Variants in TTPAL observed in about 807,000 individuals in gnomAD.
TTPAL encodes alpha-tocopherol transfer protein-like.
Under a neutral mutation model 28.7 loss-of-function variants are expected in TTPAL, and 21 were observed. The ratio of observed to expected loss-of-function variants is 0.73; its 90% CI spans 0.52 to 1.06. The LOEUF (loss-of-function observed/expected upper bound fraction) is 1.06, where lower values mean the gene tolerates loss of function less well. TTPAL is among the 50% of genes least tolerant of loss of function. The pLI, the probability that TTPAL is intolerant of heterozygous loss-of-function variation, is 0.00. For missense variants in TTPAL, 345 were observed against 425.5 expected (o/e 0.81, Z 1.67); for synonymous variants, 169 against 171.9 (o/e 0.98, Z 0.13).
intron 1 of TTPAL, among the ~76,000 whole-genome samples, chr20:44,476,894 G>A (rs2064048957): frequency 6.6e-6 from 1 of 152,194 alleles, no homozygotes; most frequent in Non-Finnish European, 1.5e-5. Flanking sequence ...ACTGACTCTA[G>A]ATAAATGCCC....
intron 2 of TTPAL, among the ~76,000 whole-genome samples, chr20:44,482,019 T>C (rs1352903835): frequency 6.6e-6 from 1 of 152,184 alleles, no homozygotes; most frequent in African/African-American, 2.4e-5. Flanking sequence ...GATGAATTTT[T>C]TCCCCATATG....
rs1026515033 is a variant in TTPAL at position 44,494,529 on chromosome 20, C to CAA, written c.*4990_*4991dup. On this transcript the variant is annotated 3_prime_UTR_variant, in exon 5 of 5. Transcript: ENST00000262605. ...TATTTTTCTAGTGCATTTTCTAAGT[C>CAA]AAAGTGGTGAAAATATGTAATAATT... 3 of 149,200 alleles carry CAA rather than the reference C, an allele frequency of 2.0e-5. No individual in the cohort carries two copies. Among genetic ancestry groups the CAA allele is most frequent in the Non-Finnish European group, 4.4e-5 (3 of 67,612 alleles). 9.2% of individuals were successfully genotyped at this position (149,200 alleles called of 1,614,324 possible). A position where few individuals can be genotyped will look rare whatever the true frequency, so the allele number is the denominator to read the frequency against.
chr20:44,483,206 C>CA (rs1266962461), intron 2 of TTPAL, among the ~76,000 whole-genome samples: 1 of 152,104 alleles, frequency 6.6e-6, no homozygotes, highest in African/African-American at 2.4e-5. Flanking sequence ...TTAGCTGAAA[C>CA]AAACAAAAAA....
chr20:44,480,142 A>C lies in TTPAL; in HGVS notation c.143A>C (p.Gln48Pro). The change falls in exon 2 of 5, where the codon CAG (glutamine) becomes CCG (proline). Residue 48 changes from glutamine (Q) to proline (P), a missense_variant. Transcript: ENST00000262605. This position sits in a 1 kb window ranked among gnomAD's most constrained non-coding sequence, Gnocchi z 4.1. The stretch of plus-strand genomic sequence containing the variant: ...GTCACCAAAGCCCGGGAAGAGCTGC[A>C]GGAAAAGCCGGAATGGAGACTTCGA... ...DLVTKAREEL[Q>P]EKPEWRLRDV... is the part of the protein sequence containing the mutation. The C allele has an allele frequency of 6.2e-7, 1 of 1,614,214 alleles. No homozygotes were observed. Among genetic ancestry groups the C allele is most frequent in the East Asian group, 2.2e-5 (1 of 44,894 alleles).
Position 44,493,744 on chromosome 20 carries a change from C to T in TTPAL, c.*4203C>T, listed in dbSNP as rs1482117460. On this transcript the variant is annotated 3_prime_UTR_variant, in exon 5 of 5. Transcript: ENST00000262605. Reference sequence around the variant, plus strand: ...GTTAATTTTGTAAATCTAAATTCTTCTGCTCTTGGCCAGGTGCAGTAGTTC... The same window carrying T: ...GTTAATTTTGTAAATCTAAATTCTTTTGCTCTTGGCCAGGTGCAGTAGTTC... The T allele has an allele frequency of 6.6e-6, 1 of 152,264 alleles. No individual in the cohort carries two copies. The highest frequency in any genetic ancestry group is 1.5e-5 in the Non-Finnish European group (1 of 68,018). The allele number at this position is 152,264 out of a possible 1,614,324, so 9.4% of individuals were successfully genotyped here.
At chr20:44,487,878 C>T (rs960105483) in intron 4 of TTPAL, among the ~76,000 whole-genome samples, 1 of 152,238 alleles carries the variant, frequency 6.6e-6, no homozygotes, top group Admixed American at 6.5e-5. Flanking sequence ...AAGCAGTTCT[C>T]CTGCCTCAGC....
chr20:44,478,543 T>C (rs1034958544), intron 1 of TTPAL: 6 of 152,244 alleles, frequency 3.9e-5, no homozygotes, highest in African/African-American at 1.4e-4. Context: ...ACTGCCACGA[T>C]AAGTTACATG....
At position 44,486,715 on chromosome 20, in the gene TTPAL, T is replaced by TG; in HGVS notation, c.750+10dup. ...AGAAAATAGCAAACAGAGTAAGTGA[T>TG]GATCCTATTGACTTCAGATTTTTCT... is the stretch of plus-strand genomic sequence containing the variant. On this transcript the variant is annotated intron_variant, in intron 4 of 4. Coordinates refer to ENST00000262605, the MANE Select transcript of TTPAL (RefSeq NM_001039199.3). The TG allele has an allele frequency of 1.4e-6, 2 of 1,469,678 alleles. No individual in the cohort carries two copies. The highest frequency in any genetic ancestry group is 1.9e-6 in the Non-Finnish European group (2 of 1,059,970). The allele number at this position is 1,469,678 out of a possible 1,614,324, so 91.0% of individuals were successfully genotyped here.
At chr20:44,477,353 T>TG (rs1190399483) in intron 1 of TTPAL, among the ~76,000 whole-genome samples, 1 of 152,196 alleles carries the variant, frequency 6.6e-6, no homozygotes, top group African/African-American at 2.4e-5. Context: ...GCAGATTATG[T>TG]GTCTAACACC....
In TTPAL at chr20:44,492,119, G is replaced by A. The variant is rs1438831182; in HGVS notation, c.*2578G>A. On this transcript the variant is annotated 3_prime_UTR_variant, in exon 5 of 5. Transcript: ENST00000262605. ...GTATCAGATAGTTTTGACACCTCAGGAAACTTGAACCAAGCTGTGAAACCA... is the reference window on the plus strand; with the variant it reads ...GTATCAGATAGTTTTGACACCTCAGAAAACTTGAACCAAGCTGTGAAACCA... 1 of 152,290 alleles carries A rather than the reference G, an allele frequency of 6.6e-6. No homozygotes were observed. The highest frequency in any genetic ancestry group is 2.4e-5 in the African/African-American group (1 of 41,422). The allele number at this position is 152,290 out of a possible 1,614,324, so 9.4% of individuals were successfully genotyped here. A position where few individuals can be genotyped will look rare whatever the true frequency, so the allele number is the denominator to read the frequency against.
chr20:44,488,692 A>G (rs2064175123), intron 4 of TTPAL, among the ~76,000 whole-genome samples: 1 of 152,188 alleles, frequency 6.6e-6, no homozygotes. Flanking sequence ...CCATCTAGGT[A>G]TCTGGGAGGC....
At chr20:44,486,377 C>A in intron 3 of TTPAL, 1 of 395,070 alleles carries the variant, frequency 2.5e-6, no homozygotes, top group Non-Finnish European at 4.5e-6. Context: ...CCACTACACC[C>A]AGCCTCTGTT....
In TTPAL at chr20:44,486,439, C is replaced by T; in HGVS notation, c.640-157C>T. 6 of 531,594 alleles carry T rather than the reference C, an allele frequency of 1.1e-5. No homozygotes were observed. In the South Asian group the frequency reaches 1.6e-4, roughly 14 times the overall value. The allele number at this position is 531,594 out of a possible 1,614,324, so 32.9% of individuals were successfully genotyped here. A position where few individuals can be genotyped will look rare whatever the true frequency, so the allele number is the denominator to read the frequency against. On this transcript the variant is annotated intron_variant, in intron 3 of 4. Transcript: ENST00000262605. Reference sequence around the variant, plus strand: ...TCCCAGGAAAGACTTTCCCTGAGGTCCGTCTTCCTAGTTAGGCCCCACGTG... The same window carrying T: ...TCCCAGGAAAGACTTTCCCTGAGGTTCGTCTTCCTAGTTAGGCCCCACGTG...
Position 44,489,654 on chromosome 20 carries a change from G to A in TTPAL, c.*113G>A. 8.3e-7 allele frequency: 1 copy of A among 1,210,302 alleles called. No homozygotes were observed. Among genetic ancestry groups the A allele is most frequent in the Non-Finnish European group, 1.1e-6 (1 of 889,074 alleles). 75.0% of individuals were successfully genotyped at this position (1,210,302 alleles called of 1,614,324 possible). On this transcript the variant is annotated 3_prime_UTR_variant, in exon 5 of 5. Transcript: ENST00000262605. The stretch of plus-strand genomic sequence containing the variant: ...CTTGCTCCTTGTAATTAAACTGCAG[G>A]ATGGAGGAACAGCCTGAGATATGAG...
chr20:44,482,766 G>A (rs2064118193), intron 2 of TTPAL, among the ~76,000 whole-genome samples: 1 of 151,722 alleles, frequency 6.6e-6, no homozygotes, highest in African/African-American at 2.4e-5. Flanking sequence ...TACATGGGGT[G>A]TATTAAAAAA....
Position 44,489,834 on chromosome 20 carries a change from T to C in TTPAL, c.*293T>C. On this transcript the variant is annotated 3_prime_UTR_variant, in exon 5 of 5. Transcript: ENST00000262605. ...TTTGTTTTGCTTTTTGGTTGGGGGG[T>C]GGTGATCTGGTTCTTACACATCTTG... The C allele has an allele frequency of 2.9e-6, 1 of 348,084 alleles. No homozygotes were observed. Among genetic ancestry groups the C allele is most frequent in the Non-Finnish European group, 5.3e-6 (1 of 189,498 alleles). The allele number at this position is 348,084 out of a possible 1,614,324, so 21.6% of individuals were successfully genotyped here. A position where few individuals can be genotyped will look rare whatever the true frequency, so the allele number is the denominator to read the frequency against.
chr20:44,487,915 C>T (rs1239826490), intron 4 of TTPAL, among the ~76,000 whole-genome samples: 4 of 152,184 alleles, frequency 2.6e-5, no homozygotes, highest in African/African-American at 9.7e-5. Flanking sequence ...ATTACAGGCA[C>T]GTGCCACCAC....
intron 1 of TTPAL, 123 bp from the exon 2 acceptor site, chr20:44,479,862 G>T: frequency 1.2e-6 from 1 of 813,386 alleles, no homozygotes; most frequent in Non-Finnish European, 1.9e-6. Flanking sequence ...ATTGCCCCCA[G>T]TTGAGAAACA....
In TTPAL at chr20:44,489,819, T is replaced by A. The variant is rs758939109; in HGVS notation, c.*278T>A. ...GGAGGCTATATCTATTTTGTTTTGC[T>A]TTTTGGTTGGGGGGTGGTGATCTGG... On this transcript the variant is annotated 3_prime_UTR_variant, in exon 5 of 5. Transcript: ENST00000262605. The A allele has an allele frequency of 7.1e-5, 27 of 379,278 alleles. No homozygotes were observed. Among genetic ancestry groups the A allele is most frequent in the Non-Finnish European group, 1.1e-4 (24 of 209,768 alleles). 23.5% of individuals were successfully genotyped at this position (379,278 alleles called of 1,614,324 possible).
Sources: allele counts gnomAD v4.1 joint callset (sites outside exome capture counted in the v4.1 genomes callset), GRCh38; gene constraint gnomAD v4.1.1; non-coding constraint Gnocchi (gnomAD v3.1); transcripts MANE v1.5; gene names NCBI Gene and HGNC (gene_info 2026-07-23, HGNC 2026-07-21).